JHY: variants seen among roughly 807,000 people sequenced by gnomAD.
JHY encodes jhy protein homolog.
A neutral mutation model predicts 78.0 loss-of-function variants in JHY; 69 were observed. The observed-to-expected ratio is 0.88, with a 90% CI of 0.73 to 1.08. The LOEUF (loss-of-function observed/expected upper bound fraction) is 1.08, where lower values mean the gene tolerates loss of function less well. Among genes scored for constraint, JHY ranks in the 50% least tolerant of loss-of-function variants. The probability of loss-of-function intolerance (pLI) is 0.00; values close to 1 mark genes in which losing one functional copy is unlikely to be tolerated. For missense variants in JHY, 944 were observed against 927.8 expected (o/e 1.02, Z -0.23); for synonymous variants, 368 against 342.6 (o/e 1.07, Z -0.82).
chr11:122,945,840 T>C (rs1863950462), intron 5 of JHY, among the ~76,000 whole-genome samples: 1 of 152,216 alleles, frequency 6.6e-6, no homozygotes, highest in Non-Finnish European at 1.5e-5. Flanking sequence ...GTTGTTTTTC[T>C]ATTCAGAGCC....
chr11:122,890,894 A>T (rs893123189), intron 2 of JHY, among the ~76,000 whole-genome samples: 1 of 152,174 alleles, frequency 6.6e-6, no homozygotes, highest in African/African-American at 2.4e-5. Flanking sequence ...AAATTAGGAT[A>T]ACCAGTTCTC....
At chr11:122,884,719 C>G (rs1033497704) in intron 1 of JHY, among the ~76,000 whole-genome samples, 2 of 152,160 alleles carry the variant, frequency 1.3e-5, no homozygotes, top group South Asian at 4.1e-4. Context: ...GATAGCATCC[C>G]GTTCGGTAAT....
At chr11:122,959,029 C>A in intron 8 of JHY, 1 of 981,896 alleles carries the variant, frequency 1.0e-6, no homozygotes, top group Non-Finnish European at 1.2e-6. Context: ...ATGTATTATT[C>A]TTCAACTCCT....
intron 4 of JHY, among the ~76,000 whole-genome samples, chr11:122,926,134 G>T (rs1455478789): frequency 7.0e-6 from 1 of 142,716 alleles, no homozygotes; most frequent in East Asian, 2.0e-4. Flanking sequence ...GTTGCAGTGA[G>T]CCAAGATTGT....
At chr11:122,949,707 T>C (rs1203489327) in intron 6 of JHY, among the ~76,000 whole-genome samples, 2 of 151,986 alleles carry the variant, frequency 1.3e-5, no homozygotes, top group Non-Finnish European at 1.5e-5. Context: ...TCTCATGTCC[T>C]CCCCTCTGCT....
chr11:122,951,415 G>C (rs1864080795), intron 6 of JHY, among the ~76,000 whole-genome samples: 1 of 152,202 alleles, frequency 6.6e-6, no homozygotes, highest in South Asian at 2.1e-4. Context: ...CAGACAATCT[G>C]GGCATTGCTG....
At chr11:122,907,782 G>A (rs1353631708) in intron 3 of JHY, among the ~76,000 whole-genome samples, 9 of 146,226 alleles carry the variant, frequency 6.2e-5, no homozygotes, top group African/African-American at 7.6e-5. Context: ...GCGGTGAGCC[G>A]AGATTGCACC....
chr11:122,934,895 T>C lies in JHY; in HGVS notation c.1454T>C (p.Leu485Pro), dbSNP rs778893778. Residue 485 changes from leucine (L) to proline (P), a missense_variant, in exon 5 of 9, where the codon CTA becomes CCA. Coordinates refer to ENST00000227349, the MANE Select transcript of JHY (RefSeq NM_024806.4). ...QEEKRFSYQQ[L>P]HTLSDMDLNN... Reference sequence around the variant, plus strand: ...GAGAAAAGATTTTCATATCAGCAGCTACACACCCTTTCTGACATGGATTTG... The same window carrying C: ...GAGAAAAGATTTTCATATCAGCAGCCACACACCCTTTCTGACATGGATTTG... 3.1e-6 allele frequency: 5 copies of C among 1,614,046 alleles called. No homozygotes were observed. In the East Asian group the frequency reaches 6.7e-5, roughly 22 times the overall value.
chr11:122,914,203 A>G (rs1863187954), intron 3 of JHY, among the ~76,000 whole-genome samples: 1 of 152,180 alleles, frequency 6.6e-6, no homozygotes, highest in Admixed American at 6.5e-5. Flanking sequence ...AGTTATATTT[A>G]TTATTGAATG....
In JHY at chr11:122,898,724, G is replaced by T. The variant is rs1862786569; in HGVS notation, c.345-5201G>T. 6.6e-6 allele frequency among the ~76,000 whole-genome samples: 1 copy of T among 152,174 alleles called. No homozygotes were observed. The highest frequency in any genetic ancestry group is 1.5e-5 in the Non-Finnish European group (1 of 68,020). Reference sequence around the variant, plus strand: ...TCCCTTCCAGAAAGTCCTCACTTTGGCTGTCCAAATGTATTTACATCTTAC... The same window carrying T: ...TCCCTTCCAGAAAGTCCTCACTTTGTCTGTCCAAATGTATTTACATCTTAC... On this transcript the variant is annotated intron_variant, in intron 2 of 8. Coordinates refer to ENST00000227349, the MANE Select transcript of JHY (RefSeq NM_024806.4). This position sits in a 1 kb window ranked among gnomAD's most constrained non-coding sequence, Gnocchi z 4.4.
At chr11:122,923,875 C>G (rs1383478347) in intron 3 of JHY, among the ~76,000 whole-genome samples, 2 of 148,494 alleles carry the variant, frequency 1.3e-5, no homozygotes, top group Non-Finnish European at 3.0e-5. Flanking sequence ...AGTCACCACG[C>G]CTGGCTAATT....
chr11:122,890,933 T>C (rs1002625981), intron 2 of JHY, among the ~76,000 whole-genome samples: 1 of 152,152 alleles, frequency 6.6e-6, no homozygotes, highest in African/African-American at 2.4e-5. Flanking sequence ...AACTGAAGCA[T>C]TTGGGTAAAT....
At chr11:122,950,167 T>C (rs1864059076) in intron 6 of JHY, among the ~76,000 whole-genome samples, 1 of 152,120 alleles carries the variant, frequency 6.6e-6, no homozygotes, top group Admixed American at 6.5e-5. Flanking sequence ...GGTAACTTCT[T>C]TTTCCACAGA....
intron 3 of JHY, among the ~76,000 whole-genome samples, chr11:122,919,468 G>A (rs12422101): frequency 0.29 from 43,539 of 151,594 alleles, 6,529 homozygotes; most frequent in East Asian, 0.43. Context: ...TGCCCCTGGC[G>A]CATCAGCGAA....
intron 5 of JHY, among the ~76,000 whole-genome samples, chr11:122,936,205 A>C (rs111928896): frequency 0.023 from 3,518 of 152,312 alleles, 132 homozygotes; most frequent in African/African-American, 0.08. Flanking sequence ...TAACATACTG[A>C]ATATAATGCT....
chr11:122,905,545 T>C, intron 3 of JHY: 1 of 1,078,066 alleles, frequency 9.3e-7, no homozygotes, highest in Non-Finnish European at 1.1e-6. Flanking sequence ...CATTTGTGGC[T>C]TTTCTTCAGA....
intron 3 of JHY, among the ~76,000 whole-genome samples, chr11:122,922,845 G>C (rs1863405795): frequency 6.7e-6 from 1 of 148,592 alleles, no homozygotes; most frequent in African/African-American, 2.5e-5. Flanking sequence ...AACCAGCAGA[G>C]GGGAGATCTG....
rs1864348223 is a variant in JHY at position 122,963,170 on chromosome 11, CA to C, written c.*3726del. ...CACTATTTATTTTCTTTTTTTTTTC[CA>C]GAACATTTCAAAAACTTCCCATACT... On this transcript the variant is annotated 3_prime_UTR_variant, in exon 9 of 9. Transcript: ENST00000227349. Among the ~76,000 whole-genome samples the C allele has an allele frequency of 6.6e-6, 1 of 150,922 alleles. No homozygotes were observed. Among genetic ancestry groups the C allele is most frequent in the Non-Finnish European group, 1.5e-5 (1 of 67,716 alleles).
At chr11:122,902,123 A>T (rs1862873464) in intron 2 of JHY, among the ~76,000 whole-genome samples, 1 of 151,904 alleles carries the variant, frequency 6.6e-6, no homozygotes, top group Non-Finnish European at 1.5e-5. Context: ...TTAACTTTTT[A>T]AAAAATAAGT....
Sources: allele counts gnomAD v4.1 joint callset (sites outside exome capture counted in the v4.1 genomes callset), GRCh38; gene constraint gnomAD v4.1.1; non-coding constraint Gnocchi (gnomAD v3.1); transcripts MANE v1.5; gene names NCBI Gene and HGNC (gene_info 2026-07-23, HGNC 2026-07-21).